Variants in PCDHGA7 observed in about 807,000 individuals in gnomAD.
The protein encoded by PCDHGA7 is protocadherin gamma-A7.
Under a neutral mutation model 58.3 loss-of-function variants are expected in PCDHGA7, and 44 were observed. The observed-to-expected ratio is 0.75, with a 90% confidence interval of 0.59 to 0.97. The LOEUF (loss-of-function observed/expected upper bound fraction) is 0.97. Ranked by LOEUF, PCDHGA7 falls within the 50% of genes least tolerant of loss-of-function variation. The pLI is 0.00. For synonymous variants in PCDHGA7, 516 were observed against 504.2 expected (o/e 1.02, Z -0.31); for missense variants, 1,266 against 1,188.7 (o/e 1.06, Z -0.96).
At position 141,383,287 on chromosome 5, in the gene PCDHGA7, G is replaced by T. The variant is rs753501762; in HGVS notation, c.388G>T (p.Val130Phe). The T allele has an allele frequency of 1.9e-6, 3 of 1,613,916 alleles. No individual in the cohort carries two copies. Among genetic ancestry groups the T allele is most frequent in the Non-Finnish European group, 1.7e-6 (2 of 1,179,870 alleles). Residue 130 changes from valine to phenylalanine, a missense_variant, in exon 1 of 4, where the codon GTT (valine) becomes TTT (phenylalanine). Val to Phe is a conservative substitution (Grantham distance 50, BLOSUM62 -1). Coordinates refer to ENST00000518325, the MANE Select transcript of PCDHGA7 (RefSeq NM_018920.4). ...DVEIIDINDN[V>F]PRFLTEEINV... ...GGAAATAATAGATATTAATGACAAC[G>T]TTCCAAGATTCTTGACGGAAGAAAT...
In PCDHGA7 at chr5:141,477,798, A is replaced by G; in HGVS notation, c.2425-17009A>G. On this transcript the variant is annotated intron_variant, in intron 1 of 3. Transcript: ENST00000518325. The surrounding 1 kb of genome is among the most constrained non-coding windows in gnomAD (Gnocchi z 4.9). ...GTGAACATATTTGTCACTGATCGCA[A>G]TGACAATGCCCCCCAGGTCCTATAT... The G allele has an allele frequency of 6.2e-7, 1 of 1,614,140 alleles. No homozygotes were observed. The highest frequency in any genetic ancestry group is 8.5e-7 in the Non-Finnish European group (1 of 1,180,038).
intron 1 of PCDHGA7, chr5:141,412,918 G>T: frequency 2.4e-6 from 1 of 414,220 alleles, no homozygotes; most frequent in Non-Finnish European, 4.2e-6. Flanking sequence ...TATCACTTGG[G>T]TGCAGTAACT....
Position 141,383,513 on chromosome 5 carries a change from A to T in PCDHGA7, c.614A>T (p.Glu205Val). Residue 205 changes from glutamate to valine, a missense_variant, in exon 1 of 4, where the codon GAG (glutamate) becomes GTG (valine). Coordinates refer to ENST00000518325, the MANE Select transcript of PCDHGA7 (RefSeq NM_018920.4). ...GAGCGGGTGCTGGACCGGGAGGAAG[A>T]GCGGGTTCACCACCTGGTCCTCACA... ...VLERVLDREE[E>V]RVHHLVLTAS... 6.2e-7 allele frequency: 1 copy of T among 1,612,722 alleles called. No homozygotes were observed. The highest frequency in any genetic ancestry group is 1.1e-5 in the South Asian group (1 of 90,934).
At chr5:141,492,822 C>T (rs1241767956) in intron 1 of PCDHGA7, among the ~76,000 whole-genome samples, 1 of 152,238 alleles carries the variant, frequency 6.6e-6, no homozygotes, top group Non-Finnish European at 1.5e-5. Context: ...GCACCAGCGG[C>T]CCCTTCCTCC....
At chr5:141,508,588 C>G (rs1721443459) in intron 3 of PCDHGA7, among the ~76,000 whole-genome samples, 1 of 152,176 alleles carries the variant, frequency 6.6e-6, no homozygotes, top group African/African-American at 2.4e-5. Context: ...GGGTGCTACT[C>G]AGAGATCTTG....
chr5:141,396,893 A>G (rs1441946913), intron 1 of PCDHGA7, among the ~76,000 whole-genome samples: 2 of 152,226 alleles, frequency 1.3e-5, no homozygotes, highest in Non-Finnish European at 1.5e-5. Flanking sequence ...AGGACAACAT[A>G]TTATTGGCAC....
intron 1 of PCDHGA7, chr5:141,409,609 C>T: frequency 1.2e-6 from 2 of 1,613,938 alleles, no homozygotes; most frequent in Non-Finnish European, 1.7e-6. Flanking sequence ...CGCCAGGAGC[C>T]TCCATTGCGC....
chr5:141,403,215 G>A (rs2150961720), intron 1 of PCDHGA7: 1 of 1,613,996 alleles, frequency 6.2e-7, no homozygotes, highest in South Asian at 1.1e-5. Flanking sequence ...GTCACCGCGG[G>A]TAGGATAGAC....
chr5:141,393,586 G>A lies in PCDHGA7; in HGVS notation c.2424+8263G>A, dbSNP rs1486061309. 2 of 1,613,922 alleles carry A rather than the reference G, an allele frequency of 1.2e-6. No individual in the cohort carries two copies. Among genetic ancestry groups the A allele is most frequent in the Admixed American group, 3.3e-5 (2 of 60,028 alleles). ...AAAGTCCTTGAGAACATGCCCCCAGGCACGCGGCTGCTTACTGTAACAGCC... is the reference window on the plus strand; with the variant it reads ...AAAGTCCTTGAGAACATGCCCCCAGACACGCGGCTGCTTACTGTAACAGCC... On this transcript the variant is annotated intron_variant, in intron 1 of 3. Transcript: ENST00000518325.
intron 1 of PCDHGA7, chr5:141,421,720 G>T: frequency 6.2e-7 from 1 of 1,613,906 alleles, no homozygotes. Context: ...AGATGTGGGC[G>T]TGAACTCCCT....
chr5:141,397,509 T>G (rs2093532710), intron 1 of PCDHGA7, among the ~76,000 whole-genome samples: 1 of 152,204 alleles, frequency 6.6e-6, no homozygotes, highest in African/African-American at 2.4e-5. Flanking sequence ...TAAAATTGTT[T>G]CCATAGCTAA....
intron 1 of PCDHGA7, chr5:141,399,034 C>T: frequency 6.2e-7 from 1 of 1,613,796 alleles, no homozygotes; most frequent in Non-Finnish European, 8.5e-7. Context: ...TCAAAAGAAA[C>T]TGGATTTTGA....
At chr5:141,399,008 G>A (rs2093737383) in intron 1 of PCDHGA7, 4 of 1,613,904 alleles carry the variant, frequency 2.5e-6, no homozygotes, top group African/African-American at 1.3e-5. Flanking sequence ...AATTCAAAGA[G>A]CGGAGAAATT....
intron 1 of PCDHGA7, among the ~76,000 whole-genome samples, chr5:141,450,777 G>A (rs907160074): frequency 1.3e-5 from 2 of 150,004 alleles, no homozygotes; most frequent in East Asian, 2.0e-4. Context: ...ATGAGCCACC[G>A]TGCCCGGACC....
At chr5:141,385,389 C>T in intron 1 of PCDHGA7, 66 bp downstream of exon 1, 2 of 1,506,522 alleles carry the variant, frequency 1.3e-6, no homozygotes, top group Non-Finnish European at 1.8e-6. Flanking sequence ...TATTATTTTG[C>T]AAAACAAATG....
At chr5:141,395,309 CATT>C in intron 1 of PCDHGA7, 1 of 1,506,030 alleles carries the variant, frequency 6.6e-7, no homozygotes, top group Non-Finnish European at 8.9e-7. Flanking sequence ...TTTTGAAAAA[CATT>C]GTGAAGATAG....
chr5:141,422,703 G>GA, intron 1 of PCDHGA7: 1 of 1,603,132 alleles, frequency 6.2e-7, no homozygotes, highest in African/African-American at 1.3e-5. Context: ...CTTACTCTCT[G>GA]ACGGATGACA....
intron 1 of PCDHGA7, chr5:141,400,237 A>C (rs1375797222): frequency 3.7e-6 from 6 of 1,613,750 alleles, no homozygotes; most frequent in African/African-American, 1.3e-5. Flanking sequence ...CCTGGCCGTG[A>C]TTCTGGCCGT....
chr5:141,382,988 G>T lies in PCDHGA7; in HGVS notation c.89G>T (p.Arg30Leu), dbSNP rs958046112. 1.2e-6 allele frequency: 2 copies of T among 1,613,090 alleles called. No individual in the cohort carries two copies. The highest frequency in any genetic ancestry group is 2.7e-5 in the African/African-American group (2 of 74,930). The change falls in exon 1 of 4, where the codon CGT becomes CTT. Residue 30 changes from arginine (R) to leucine (L), a missense_variant. Transcript: ENST00000518325. Reference sequence around the variant, plus strand: ...ACCCCCTGGGAAGCCTGGGCAGGACGTATTCTCTACTCCGTGTCGGAGGAG... The same window carrying T: ...ACCCCCTGGGAAGCCTGGGCAGGACTTATTCTCTACTCCGTGTCGGAGGAG... ...LGTPWEAWAG[R>L]ILYSVSEETD...
Sources: gnomAD v4.1 joint callset for allele counts (sites outside exome capture counted in the v4.1 genomes callset) on GRCh38, gnomAD v4.1.1 for gene constraint, Gnocchi (gnomAD v3.1) non-coding constraint, MANE v1.5 for transcripts, NCBI Gene and HGNC (gene_info 2026-07-23, HGNC 2026-07-21) for gene names.